The following EIF4G3 variants were observed in gnomAD, a reference collection of about 807,000 sequenced individuals.
The protein encoded by EIF4G3 is eIF-4-gamma 3.
In EIF4G3, 34 loss-of-function variants were observed where a neutral mutation model predicts 186.4. The observed-to-expected ratio is 0.18, with a 90% CI of 0.14 to 0.24. The LOEUF (loss-of-function observed/expected upper bound fraction) is 0.24, where lower values mean the gene tolerates loss of function less well. Among genes scored for constraint, EIF4G3 ranks in the 10% least tolerant of loss-of-function variants. EIF4G3 has a pLI of 1.00. For missense variants in EIF4G3, 1,536 were observed against 1,948.5 expected, an observed-to-expected ratio of 0.79 and a Z score of 3.99; for synonymous variants, 673 against 679.5, an observed-to-expected ratio of 0.99 and a Z score of 0.15.
At chr1:20,985,195 C>G (rs949356582) in intron 7 of EIF4G3, among the ~76,000 whole-genome samples, 13 of 152,302 alleles carry the variant, frequency 8.5e-5, no homozygotes, top group African/African-American at 3.1e-4. Context: ...GTCCCTCAAT[C>G]ATGACTGATT....
intron 12 of EIF4G3, among the ~76,000 whole-genome samples, chr1:20,956,617 C>CAAAAAAAA (rs61623629): frequency 2.6e-5 from 3 of 114,574 alleles, no homozygotes; most frequent in Admixed American, 1.0e-4. Flanking sequence ...GTATAATTTA[C>CAAAAAAAA]AAAAAAAAAA....
chr1:21,023,264 C>A (rs1309867222), intron 4 of EIF4G3, among the ~76,000 whole-genome samples: 2 of 128,554 alleles, frequency 1.6e-5, no homozygotes, highest in Non-Finnish European at 3.3e-5. Flanking sequence ...CCCTCCCCCT[C>A]CCTCTCCCTC....
chr1:21,048,454 C>CCCTGGTT lies in EIF4G3; in HGVS notation c.-67+2405_-67+2411dup, dbSNP rs535129239. 6.8e-4 allele frequency among the ~76,000 whole-genome samples: 104 copies of CCCTGGTT among 152,150 alleles called. 1 individual carries two copies. The East Asian group carries it at 0.013, about 19-fold the overall frequency. ...ATATGTAGAAGGAAAGGGTTTTGCTCCCTGGTTCCTGGTTCCTGGTTCCTG... is the reference window on the plus strand; with the variant it reads ...ATATGTAGAAGGAAAGGGTTTTGCTCCCTGGTTCCTGGTTCCTGGTTCCTGGTTCCTG... On this transcript the variant is annotated intron_variant, in intron 4 of 36. Transcript: ENST00000602326.
rs1044916897 is a variant in EIF4G3 at position 20,998,948 on chromosome 1, G to A, written c.145-1315C>T. ...CTTAACACTACAGATGAATTAGATT[G>A]AAGATTAAGAAACAATCTCTCATGC... On this transcript the variant is annotated intron_variant, in intron 6 of 36. Coordinates refer to ENST00000602326, the MANE Select transcript of EIF4G3 (RefSeq NM_001391906.1). The A allele has an allele frequency of 1.5e-5, 4 of 266,172 alleles. No individual in the cohort carries two copies. The Admixed American group carries it at 1.8e-4, about 12-fold the overall frequency. 16.5% of individuals were successfully genotyped at this position (266,172 alleles called of 1,614,324 possible). A position where few individuals can be genotyped will look rare whatever the true frequency, so the allele number is the denominator to read the frequency against.
At chr1:21,119,107 T>C (rs2096882039) in intron 2 of EIF4G3, among the ~76,000 whole-genome samples, 1 of 152,104 alleles carries the variant, frequency 6.6e-6, no homozygotes, top group Admixed American at 6.6e-5. Context: ...TAGAATTAGC[T>C]TGTAAGACAA....
Position 20,941,493 on chromosome 1 carries a change from G to A in EIF4G3, c.1661C>T (p.Pro554Leu), listed in dbSNP as rs755394280. The A allele has an allele frequency of 1.4e-5, 22 of 1,607,948 alleles. No homozygotes were observed. The highest frequency in any genetic ancestry group is 1.9e-5 in the Non-Finnish European group (22 of 1,176,950). Reference sequence around the variant, plus strand: ...AGATTAATGGCAGAATGGCTTACCTGGGACAGGGCTCCTTCTTGAATTTAA... The same window carrying A: ...AGATTAATGGCAGAATGGCTTACCTAGGACAGGGCTCCTTCTTGAATTTAA... ...QNLNSRRSPVPAQIAITVPKT... is the reference protein window; with the variant it reads ...QNLNSRRSPVLAQIAITVPKT... Residue 554 changes from proline (P) to leucine (L), a missense_variant and splice_region_variant, in exon 14 of 37, where the codon CCA becomes CTA. Pro to Leu is a moderately conservative substitution (Grantham distance 98). Coordinates refer to ENST00000602326, the MANE Select transcript of EIF4G3 (RefSeq NM_001391906.1).
chr1:21,111,581 C>T (rs990962923), intron 2 of EIF4G3: 4 of 280,696 alleles, frequency 1.4e-5, no homozygotes, highest in South Asian at 7.1e-5. Flanking sequence ...TTCTTTAGAG[C>T]TTAGAAAAGC....
intron 2 of EIF4G3, among the ~76,000 whole-genome samples, chr1:21,099,623 G>C (rs565884252): frequency 6.6e-6 from 1 of 152,298 alleles, no homozygotes; most frequent in Admixed American, 6.5e-5. Context: ...CAAAAATGTA[G>C]AAATGGAAAG....
At chr1:21,126,400 G>A (rs910628962) in intron 2 of EIF4G3, among the ~76,000 whole-genome samples, 3 of 151,560 alleles carry the variant, frequency 2.0e-5, no homozygotes, top group African/African-American at 4.9e-5. Flanking sequence ...ATGTCAAGTC[G>A]AGGGAAACAT....
At chr1:20,848,034 C>T (rs904325998) in intron 29 of EIF4G3, 5 of 337,818 alleles carry the variant, frequency 1.5e-5, no homozygotes, top group East Asian at 9.0e-5. Flanking sequence ...TGGATGATCT[C>T]GGCTCACTGC....
chr1:20,976,002 A>G (rs1445874919), intron 10 of EIF4G3, among the ~76,000 whole-genome samples: 1 of 151,134 alleles, frequency 6.6e-6, no homozygotes, highest in African/African-American at 2.4e-5. Flanking sequence ...CCCTTTACTG[A>G]AAAAAAAAGT....
At chr1:21,103,857 AC>A (rs1003554151) in intron 2 of EIF4G3, among the ~76,000 whole-genome samples, 11 of 152,072 alleles carry the variant, frequency 7.2e-5, no homozygotes, top group African/African-American at 2.2e-4. Context: ...ACAAAAAAAA[AC>A]ATCTCTCCCT....
At chr1:21,113,774 G>T (rs531518820) in intron 2 of EIF4G3, among the ~76,000 whole-genome samples, 3 of 152,110 alleles carry the variant, frequency 2.0e-5, no homozygotes, top group Non-Finnish European at 4.4e-5. Flanking sequence ...CCAGTACTTT[G>T]GGAGGCTGAG....
chr1:20,817,287 T>TAAATAA (rs2061323848), intron 34 of EIF4G3, 105 bp downstream of exon 34: 2 of 367,998 alleles, frequency 5.4e-6, no homozygotes, highest in African/African-American at 5.8e-5. Flanking sequence ...TAAAAAAAAA[T>TAAATAA]AAAAATAAAA....
chr1:21,057,598 AT>A (rs200157947), intron 3 of EIF4G3, among the ~76,000 whole-genome samples: 7 of 150,006 alleles, frequency 4.7e-5, no homozygotes, highest in African/African-American at 9.8e-5. Context: ...CTGGTTTAAA[AT>A]TTTTTTTTTG....
chr1:21,171,343 T>C (rs2097963744), intron 2 of EIF4G3, among the ~76,000 whole-genome samples: 2 of 152,148 alleles, frequency 1.3e-5, no homozygotes, highest in Admixed American at 1.3e-4. Context: ...TTCCCTCATA[T>C]CTCATAATGA....
chr1:20,864,645 A>G lies in EIF4G3; in HGVS notation c.2837T>C (p.Ile946Thr), dbSNP rs765844062. The change falls in exon 22 of 37, where the codon ATT (isoleucine) becomes ACT (threonine). Residue 946 changes from isoleucine to threonine, a missense_variant. Physicochemically the swap from Ile to Thr is moderately conservative, Grantham distance 89. Transcript: ENST00000602326. Reference protein sequence around the residue: ...EAKDKARRRSIGNIKFIGELF... With the variant: ...EAKDKARRRSTGNIKFIGELF... ...TTCTCCAATAAACTTGATGTTGCCA[A>G]TGGATCTCCGCCGGGCTTTGTCCTT... The G allele has an allele frequency of 8.1e-6, 13 of 1,614,168 alleles. No individual in the cohort carries two copies. Among genetic ancestry groups the G allele is most frequent in the Admixed American group, 1.7e-5 (1 of 60,024 alleles).
intron 35 of EIF4G3, among the ~76,000 whole-genome samples, chr1:20,811,826 G>C (rs1027061779): frequency 4.6e-5 from 7 of 151,992 alleles, no homozygotes; most frequent in Non-Finnish European, 7.4e-5. Flanking sequence ...GAAACATGGA[G>C]TAGGAATTTC....
At chr1:21,033,403 T>C (rs1372322481) in intron 4 of EIF4G3, among the ~76,000 whole-genome samples, 4 of 152,046 alleles carry the variant, frequency 2.6e-5, no homozygotes, top group Admixed American at 1.3e-4. Flanking sequence ...AAACATGATA[T>C]TGAAACCTAA....
Sources: gnomAD v4.1 joint callset for allele counts (sites outside exome capture counted in the v4.1 genomes callset) on GRCh38, gnomAD v4.1.1 for gene constraint, MANE v1.5 for transcripts, NCBI Gene and HGNC (gene_info 2026-07-23, HGNC 2026-07-21) for gene names.